Variants in CDCA2 observed in about 807,000 individuals in gnomAD.
CDCA2 encodes the protein cell division cycle associated 2.
CDCA2 carries 44 observed loss-of-function variants against 67.0 expected under a neutral mutation model. The ratio of observed to expected loss-of-function variants is 0.66; its 90% confidence interval spans 0.52 to 0.84. The LOEUF (loss-of-function observed/expected upper bound fraction) is 0.84. CDCA2 is among the 40% of genes least tolerant of loss of function. The pLI, the probability that CDCA2 is intolerant of heterozygous loss-of-function variation, is 0.00. For synonymous variants in CDCA2, 447 were observed against 418.7 expected (o/e 1.07, Z -0.82); for missense variants, 1,253 against 1,203.2 (o/e 1.04, Z -0.61).
chr8:25,495,965 T>C (rs1180067590), intron 13 of CDCA2, among the ~76,000 whole-genome samples: 2 of 152,198 alleles, frequency 1.3e-5, no homozygotes, highest in African/African-American at 4.8e-5. Context: ...TTTAAAAGAA[T>C]TGTCCAGCTC....
chr8:25,459,212 CGGCGGGCGGAGGA>C (rs1351542163), upstream of CDCA2: 1 of 152,318 alleles, frequency 6.6e-6, no homozygotes, highest in Non-Finnish European at 1.5e-5. Flanking sequence ...TTGAATCGGT[CGGCGGGCGGAGGA>C]GGCGGGTGGA....
chr8:25,492,186 A>G (rs112683476), intron 13 of CDCA2, among the ~76,000 whole-genome samples: 2 of 152,060 alleles, frequency 1.3e-5, no homozygotes, highest in African/African-American at 4.8e-5. Context: ...CCTGGGCTCA[A>G]TCACTTCTCT....
At chr8:25,490,438 T>C (rs1364082347) in intron 13 of CDCA2, among the ~76,000 whole-genome samples, 1 of 151,672 alleles carries the variant, frequency 6.6e-6, no homozygotes, top group Non-Finnish European at 1.5e-5. Context: ...AATGAATTTC[T>C]AGAAGACCAA....
intron 5 of CDCA2, 99 bp from the exon 6 acceptor site, chr8:25,468,118 C>CAAAAAAA (rs60060887): frequency 4.6e-4 from 73 of 159,170 alleles, no homozygotes; most frequent in Admixed American, 5.9e-4. Flanking sequence ...AACTCCGTCT[C>CAAAAAAA]AAAAAAAAAA....
At chr8:25,472,538 A>G (rs1034850118) in intron 7 of CDCA2, among the ~76,000 whole-genome samples, 1 of 152,170 alleles carries the variant, frequency 6.6e-6, no homozygotes, top group Non-Finnish European at 1.5e-5. Context: ...GGCATGAGCC[A>G]CCACACCTGG....
chr8:25,486,714 C>G (rs1586503897), intron 11 of CDCA2, among the ~76,000 whole-genome samples: 1 of 151,572 alleles, frequency 6.6e-6, no homozygotes, highest in Non-Finnish European at 1.5e-5. Flanking sequence ...ACTCAGGAGG[C>G]TGAGGCAGAA....
At chr8:25,496,514 A>G (rs1330233685) in intron 13 of CDCA2, among the ~76,000 whole-genome samples, 2 of 152,198 alleles carry the variant, frequency 1.3e-5, no homozygotes, top group Non-Finnish European at 2.9e-5. Context: ...ACCGTATAGA[A>G]TGGGAGAAGA....
At chr8:25,488,400 C>A in intron 12 of CDCA2, 152 bp from the exon 13 acceptor site, 2 of 597,280 alleles carry the variant, frequency 3.3e-6, no homozygotes, top group South Asian at 4.6e-5. Context: ...CACCAATTTT[C>A]ATCAAAGTGC....
intron 7 of CDCA2, 67 bp from the exon 8 acceptor site, chr8:25,479,845 AT>A: frequency 7.0e-7 from 1 of 1,433,274 alleles, no homozygotes; most frequent in Non-Finnish European, 9.8e-7. Context: ...CAAATACTAT[AT>A]TTTTGGTCTA....
At chr8:25,504,970 G>A (rs1024956235) in intron 14 of CDCA2, among the ~76,000 whole-genome samples, 5 of 152,146 alleles carry the variant, frequency 3.3e-5, no homozygotes, top group African/African-American at 1.2e-4. Flanking sequence ...AACAGTGACT[G>A]TAGTAAAATT....
Position 25,460,266 on chromosome 8 carries a change from C to T in CDCA2, c.27C>T (p.Pro9=), listed in dbSNP as rs774200731. 20 of 1,614,110 alleles carry T rather than the reference C, an allele frequency of 1.2e-5. No individual in the cohort carries two copies. The Admixed American group carries it at 2.8e-4, about 23-fold the overall frequency. MDANSKDK[P]PETKESAMNN... The stretch of plus-strand genomic sequence containing the variant: ...TGGATGCCAATTCAAAAGACAAGCC[C>T]CCTGAAACCAAGGAGTCTGCAATGA... The change falls in exon 2 of 15, where the codon CCC becomes CCT. Residue 9 remains proline (P), a synonymous_variant. Coordinates refer to ENST00000330560, the MANE Select transcript of CDCA2 (RefSeq NM_152562.4).
At chr8:25,496,244 A>G (rs1804218695) in intron 13 of CDCA2, among the ~76,000 whole-genome samples, 1 of 152,208 alleles carries the variant, frequency 6.6e-6, no homozygotes, top group African/African-American at 2.4e-5. Context: ...AAAGCATTGA[A>G]GTACAATCAT....
At chr8:25,467,588 G>A (rs1019718648) in intron 5 of CDCA2, among the ~76,000 whole-genome samples, 1 of 151,976 alleles carries the variant, frequency 6.6e-6, no homozygotes, top group African/African-American at 2.4e-5. Flanking sequence ...AAAATAACAG[G>A]TGTCATCATT....
chr8:25,465,058 C>T (rs1802846306), intron 4 of CDCA2, among the ~76,000 whole-genome samples: 2 of 152,200 alleles, frequency 1.3e-5, no homozygotes, highest in South Asian at 4.1e-4. Context: ...ATTGCAACCT[C>T]TACCTCCCAG....
chr8:25,469,664 G>A (rs1481360964), intron 6 of CDCA2, among the ~76,000 whole-genome samples: 1 of 61,484 alleles, frequency 1.6e-5, no homozygotes, highest in Non-Finnish European at 3.8e-5. Flanking sequence ...TTAGGATGCA[G>A]TTAATATGAA....
At chr8:25,487,383 A>G in intron 12 of CDCA2, 49 bp downstream of exon 12, 4 of 1,237,882 alleles carry the variant, frequency 3.2e-6, no homozygotes, top group South Asian at 1.3e-5. Flanking sequence ...ATCGTGCAAT[A>G]TACTTTTCTG....
At chr8:25,491,106 A>G (rs1192866725) in intron 13 of CDCA2, among the ~76,000 whole-genome samples, 1 of 152,216 alleles carries the variant, frequency 6.6e-6, no homozygotes, top group Non-Finnish European at 1.5e-5. Context: ...TTGCAAAAAC[A>G]TAAAATTTAG....
At chr8:25,496,205 C>G (rs1040957624) in intron 13 of CDCA2, among the ~76,000 whole-genome samples, 4 of 152,142 alleles carry the variant, frequency 2.6e-5, no homozygotes, top group Admixed American at 2.6e-4. Context: ...AAGGGACTTA[C>G]ACTGACCAGA....
chr8:25,481,792 TTTAG>T (rs1803582756), intron 8 of CDCA2, among the ~76,000 whole-genome samples: 1 of 152,368 alleles, frequency 6.6e-6, no homozygotes, highest in Admixed American at 6.5e-5. Context: ...ACTTTTCTGA[TTTAG>T]TTAAAAATAA....
Sources: allele counts gnomAD v4.1 joint callset (sites outside exome capture counted in the v4.1 genomes callset), GRCh38; gene constraint gnomAD v4.1.1; transcripts MANE v1.5; gene names NCBI Gene and HGNC (gene_info 2026-07-23, HGNC 2026-07-21).